The following EXT1 variants were observed in gnomAD, a reference collection of about 807,000 sequenced individuals.
EXT1 encodes the protein exostosin glycosyltransferase 1.
Under a neutral mutation model 82.5 loss-of-function variants are expected in EXT1, and 20 were observed. That is an observed-to-expected ratio of 0.24 (90% confidence interval 0.17 to 0.35). EXT1 has a LOEUF of 0.35. Among genes scored for constraint, EXT1 ranks in the 10% least tolerant of loss-of-function variants. EXT1 has a pLI of 1.00. For synonymous variants in EXT1, 348 were observed against 350.8 expected (o/e 0.99, Z 0.09); for missense variants, 757 against 936.5 (o/e 0.81, Z 2.50).
chr8:117,818,841 A>C (rs1025260694), intron 6 of EXT1, among the ~76,000 whole-genome samples: 2 of 152,202 alleles, frequency 1.3e-5, no homozygotes, highest in African/African-American at 4.8e-5. Context: ...GGAGCTTAAT[A>C]AAGTGGTTTC....
intron 1 of EXT1, among the ~76,000 whole-genome samples, chr8:117,996,288 C>T (rs993276080): frequency 1.3e-5 from 2 of 152,158 alleles, no homozygotes; most frequent in Non-Finnish European, 2.9e-5. Flanking sequence ...GGTGAGCAAG[C>T]CTTCAGATCT....
chr8:117,875,274 A>C (rs1253796162), intron 1 of EXT1, among the ~76,000 whole-genome samples: 1 of 152,108 alleles, frequency 6.6e-6, no homozygotes. Context: ...AAAAAAAATT[A>C]GCCAGGCATG....
intron 1 of EXT1, among the ~76,000 whole-genome samples, chr8:118,100,319 T>C (rs1586273918): frequency 6.6e-6 from 1 of 152,220 alleles, no homozygotes; most frequent in African/African-American, 2.4e-5. Context: ...ATCCCAAAAC[T>C]TAAGGTAGCC....
intron 1 of EXT1, among the ~76,000 whole-genome samples, chr8:118,014,245 T>A (rs558211534): frequency 3.3e-5 from 5 of 152,332 alleles, no homozygotes; most frequent in Admixed American, 3.3e-4. Context: ...CTGATAAGAA[T>A]AAGGATACTT....
At chr8:118,049,404 A>T (rs1816681885) in intron 1 of EXT1, among the ~76,000 whole-genome samples, 1 of 152,200 alleles carries the variant, frequency 6.6e-6, no homozygotes. Context: ...TTCCTGAATA[A>T]GCAGCAGATT....
chr8:117,983,599 C>T (rs1231015797), intron 1 of EXT1, among the ~76,000 whole-genome samples: 3 of 152,132 alleles, frequency 2.0e-5, no homozygotes, highest in Non-Finnish European at 4.4e-5. Context: ...CAATACCCTC[C>T]CTGGCCTTCA....
intron 1 of EXT1, among the ~76,000 whole-genome samples, chr8:117,995,147 G>A (rs1398480507): frequency 6.6e-6 from 1 of 152,052 alleles, no homozygotes; most frequent in African/African-American, 2.4e-5. Context: ...AAAATAGATG[G>A]AGCTTTTATT....
In EXT1 at chr8:118,111,346, A is replaced by G; in HGVS notation, c.-300T>C. 1.7e-6 allele frequency: 1 copy of G among 578,944 alleles called. No individual in the cohort carries two copies. The highest frequency in any genetic ancestry group is 3.1e-6 in the Non-Finnish European group (1 of 327,040). The allele number at this position is 578,944 out of a possible 1,614,324, so 35.9% of individuals were successfully genotyped here. A position where few individuals can be genotyped will look rare whatever the true frequency, so the allele number is the denominator to read the frequency against. On this transcript the variant is annotated 5_prime_UTR_variant, in exon 1 of 11. Transcript: ENST00000378204. ...GCGGACTGTAATTTTCTTGCATGCA[A>G]CAAGACGGAGGAAAAGAAAGAGAGA...
At chr8:117,997,262 T>TAC (rs930304252) in intron 1 of EXT1, among the ~76,000 whole-genome samples, 61 of 121,872 alleles carry the variant, frequency 5.0e-4, no homozygotes, top group Middle Eastern at 4.4e-3. Flanking sequence ...TATATATATA[T>TAC]ACACACTTTA....
intron 1 of EXT1, among the ~76,000 whole-genome samples, chr8:118,017,784 G>A (rs1475447458): frequency 1.3e-5 from 2 of 152,138 alleles, no homozygotes; most frequent in Non-Finnish European, 2.9e-5. Flanking sequence ...GTTTCCAACC[G>A]TAATTGGCTT....
chr8:118,022,800 C>T (rs916992683), intron 1 of EXT1, among the ~76,000 whole-genome samples: 2 of 152,120 alleles, frequency 1.3e-5, no homozygotes, highest in African/African-American at 4.8e-5. Flanking sequence ...CAACCAATTA[C>T]TTCTCATGAC....
At chr8:117,997,991 G>A (rs145728500) in intron 1 of EXT1, among the ~76,000 whole-genome samples, 74 of 150,620 alleles carry the variant, frequency 4.9e-4, no homozygotes, top group African/African-American at 1.8e-3. Flanking sequence ...TCCTGCATAT[G>A]GAGAAATTCT....
chr8:118,094,706 T>G (rs1817579202), intron 1 of EXT1, among the ~76,000 whole-genome samples: 1 of 152,232 alleles, frequency 6.6e-6, no homozygotes, highest in Non-Finnish European at 1.5e-5. Flanking sequence ...CAAGGTCTCG[T>G]AGCTAGTGAC....
chr8:117,975,686 A>G (rs1233616247), intron 1 of EXT1, among the ~76,000 whole-genome samples: 1 of 152,146 alleles, frequency 6.6e-6, no homozygotes, highest in Non-Finnish European at 1.5e-5. Context: ...TTCTGCCCCC[A>G]CCACCAAACT....
intron 1 of EXT1, among the ~76,000 whole-genome samples, chr8:117,886,289 C>A (rs1047315326): frequency 6.6e-6 from 1 of 152,120 alleles, no homozygotes; most frequent in African/African-American, 2.4e-5. Context: ...ATGGAAACCA[C>A]CTTATACTGC....
chr8:118,043,687 A>G (rs1816574132), intron 1 of EXT1, among the ~76,000 whole-genome samples: 1 of 152,252 alleles, frequency 6.6e-6, no homozygotes, highest in African/African-American at 2.4e-5. Flanking sequence ...CACAGTGATT[A>G]TGGAAAACTC....
chr8:117,965,033 T>C (rs1022038463), intron 1 of EXT1, among the ~76,000 whole-genome samples: 1 of 152,068 alleles, frequency 6.6e-6, no homozygotes, highest in Non-Finnish European at 1.5e-5. Context: ...GTTGAAAAAA[T>C]GAATACATAA....
At chr8:117,903,008 C>T (rs11784409) in intron 1 of EXT1, among the ~76,000 whole-genome samples, 38,652 of 151,890 alleles carry the variant, frequency 0.25, 5,609 homozygotes, top group East Asian at 0.36. Context: ...GAGAATTCTG[C>T]GTGTTACTAC....
intron 1 of EXT1, among the ~76,000 whole-genome samples, chr8:117,914,350 G>A (rs550566312): frequency 3.3e-5 from 5 of 152,136 alleles, no homozygotes; most frequent in East Asian, 1.9e-4. Flanking sequence ...TTGTGTTAAC[G>A]GTATAAATTG....
Sources: gnomAD v4.1 joint callset for allele counts (sites outside exome capture counted in the v4.1 genomes callset) on GRCh38, gnomAD v4.1.1 for gene constraint, MANE v1.5 for transcripts, NCBI Gene and HGNC (gene_info 2026-07-23, HGNC 2026-07-21) for gene names.